Variants in RBFOX2 observed in about 807,000 individuals in gnomAD.
The protein encoded by RBFOX2 is RNA binding fox-1 homolog 2.
RBFOX2 carries 10 observed loss-of-function variants against 49.1 expected under a neutral mutation model. That is an observed-to-expected ratio of 0.20 (90% CI 0.13 to 0.35). RBFOX2 has a LOEUF of 0.35. RBFOX2 is among the 10% of genes least tolerant of loss of function. The pLI is 1.00. For missense variants in RBFOX2, 323 were observed against 486.9 expected, an observed-to-expected ratio of 0.66 and a Z score of 3.17; for synonymous variants, 183 against 187.4, an observed-to-expected ratio of 0.98 and a Z score of 0.19.
At chr22:35,935,455 G>A (rs1255026513) in intron 1 of RBFOX2, among the ~76,000 whole-genome samples, 1 of 152,192 alleles carries the variant, frequency 6.6e-6, no homozygotes, top group Non-Finnish European at 1.5e-5. Flanking sequence ...CATGCAAGAG[G>A]TGGCGGGTGG....
chr22:35,782,263 T>G (rs1188963387), intron 2 of RBFOX2, among the ~76,000 whole-genome samples: 1 of 152,204 alleles, frequency 6.6e-6, no homozygotes, highest in Non-Finnish European at 1.5e-5. Context: ...ACTACTACTA[T>G]GTTGCCAAAG....
chr22:35,815,053 T>C (rs557646412), intron 1 of RBFOX2, among the ~76,000 whole-genome samples: 55 of 152,310 alleles, frequency 3.6e-4, no homozygotes, highest in African/African-American at 1.2e-3. Flanking sequence ...CAACAGTCTA[T>C]TGCCTTACCC....
intron 1 of RBFOX2, among the ~76,000 whole-genome samples, chr22:35,932,849 C>G (rs1349591474): frequency 6.6e-6 from 1 of 152,172 alleles, no homozygotes; most frequent in South Asian, 2.1e-4. Flanking sequence ...CCACTTCATT[C>G]CAGCCTGGGC....
intron 1 of RBFOX2, among the ~76,000 whole-genome samples, chr22:35,866,657 T>C (rs920266244): frequency 5.9e-5 from 9 of 152,066 alleles, no homozygotes; most frequent in Admixed American, 4.6e-4. Flanking sequence ...TCTTGCCTCA[T>C]GTAGCCCAGA....
chr22:35,972,138 C>G (rs1327358223), intron 1 of RBFOX2, among the ~76,000 whole-genome samples: 2 of 151,928 alleles, frequency 1.3e-5, no homozygotes, highest in Non-Finnish European at 2.9e-5. Context: ...CAGAAACCCC[C>G]CAAACAGTAT....
At chr22:35,770,264 T>C (rs1341077852) in intron 4 of RBFOX2, among the ~76,000 whole-genome samples, 1 of 152,184 alleles carries the variant, frequency 6.6e-6, no homozygotes, top group East Asian at 1.9e-4. Context: ...TATCACACTT[T>C]AAGGGCATTT....
chr22:35,993,650 A>T (rs1423144777), intron 1 of RBFOX2: 1 of 152,214 alleles, frequency 6.6e-6, no homozygotes, highest in African/African-American at 2.4e-5. Flanking sequence ...GTTTGAAGCC[A>T]GTAAGTGTAG....
chr22:35,928,046 T>C (rs1360923963), intron 1 of RBFOX2, among the ~76,000 whole-genome samples: 1 of 152,186 alleles, frequency 6.6e-6, no homozygotes, highest in Admixed American at 6.5e-5. Flanking sequence ...ACTAGCCCTA[T>C]TTACATGCCA....
chr22:35,877,123 T>C (rs1438853072), intron 1 of RBFOX2, among the ~76,000 whole-genome samples: 2 of 152,206 alleles, frequency 1.3e-5, no homozygotes, highest in African/African-American at 2.4e-5. Context: ...TTTTCCCTGA[T>C]ACAAATGTAA....
At chr22:35,951,712 T>G (rs948123021) in intron 1 of RBFOX2, among the ~76,000 whole-genome samples, 2 of 152,214 alleles carry the variant, frequency 1.3e-5, no homozygotes, top group African/African-American at 4.8e-5. Flanking sequence ...CACTTTTAAT[T>G]CTCACTAAAA....
chr22:36,018,861 G>A (rs1251159925), intron 1 of RBFOX2, among the ~76,000 whole-genome samples: 2 of 152,064 alleles, frequency 1.3e-5, no homozygotes, highest in African/African-American at 2.4e-5. Context: ...TCATCTGCCC[G>A]CCTCAGCCTC....
intron 2 of RBFOX2, among the ~76,000 whole-genome samples, chr22:35,799,826 G>A (rs373311248): frequency 6.6e-6 from 1 of 151,798 alleles, no homozygotes; most frequent in Non-Finnish European, 1.5e-5. Context: ...GGGGGTACAC[G>A]CCTGTAGTCC....
intron 1 of RBFOX2, among the ~76,000 whole-genome samples, chr22:35,988,539 A>C (rs919065593): frequency 1.3e-5 from 2 of 152,184 alleles, no homozygotes; most frequent in Admixed American, 6.5e-5. Context: ...AAGGTTTATT[A>C]AGACCAATAA....
intron 1 of RBFOX2, among the ~76,000 whole-genome samples, chr22:35,913,126 AC>A (rs5845244): frequency 1 from 152,200 of 152,200 alleles, 76,100 homozygotes; most frequent in Non-Finnish European, 1. Context: ...ATTGGAAGTA[AC>A]CAAAATATTA....
At chr22:35,750,169 A>G (rs759746141) in intron 9 of RBFOX2, among the ~76,000 whole-genome samples, 6 of 152,338 alleles carry the variant, frequency 3.9e-5, no homozygotes, top group South Asian at 2.1e-4. Context: ...GTTAATAATT[A>G]TAACAAGCAG....
intron 1 of RBFOX2, among the ~76,000 whole-genome samples, chr22:35,824,810 T>TA (rs1216128172): frequency 6.6e-6 from 1 of 152,206 alleles, no homozygotes; most frequent in African/African-American, 2.4e-5. Flanking sequence ...GGGCATACTT[T>TA]AAAAAAGCAT....
At position 35,769,096 on chromosome 22, in the gene RBFOX2, G is replaced by T. The variant is rs186030063; in HGVS notation, c.454-747C>A. Among the ~76,000 whole-genome samples, 165 of 152,220 alleles carry T rather than the reference G, an allele frequency of 1.1e-3. 1 individual carries two copies. Among genetic ancestry groups the T allele is most frequent in the Middle Eastern group, 0.01 (3 of 294 alleles). ...ACTTAGAGTAAAAATATGTTCAACT[G>T]AATTTCAGAAAACTGCTAACCCAAA... is the stretch of plus-strand genomic sequence containing the variant. On this transcript the variant is annotated intron_variant, in intron 4 of 11. Transcript: ENST00000405409.
At chr22:36,010,296 G>A (rs907538141) in intron 1 of RBFOX2, among the ~76,000 whole-genome samples, 10 of 152,030 alleles carry the variant, frequency 6.6e-5, no homozygotes, top group East Asian at 1.9e-4. Flanking sequence ...ACTTTACACC[G>A]GGTGTGAAGG....
At chr22:35,745,493 A>G (rs1932237394) in intron 11 of RBFOX2, among the ~76,000 whole-genome samples, 2 of 152,228 alleles carry the variant, frequency 1.3e-5, no homozygotes, top group South Asian at 2.1e-4. Flanking sequence ...TAGGAAGAGC[A>G]GAGACATCCT....
Sources: gnomAD v4.1 joint callset for allele counts (sites outside exome capture counted in the v4.1 genomes callset) on GRCh38, gnomAD v4.1.1 for gene constraint, MANE v1.5 for transcripts, NCBI Gene and HGNC (gene_info 2026-07-23, HGNC 2026-07-21) for gene names.